The following CDH9 variants were observed in gnomAD, a reference collection of about 807,000 sequenced individuals.
The protein encoded by CDH9 is cadherin-9.
Under a neutral mutation model 70.9 loss-of-function variants are expected in CDH9, and 28 were observed. The observed-to-expected ratio is 0.40, with a 90% CI of 0.29 to 0.54. The LOEUF is 0.54. CDH9 is among the 20% of genes least tolerant of loss of function. The probability of loss-of-function intolerance (pLI) is 0.59; values close to 1 mark genes in which losing one functional copy is unlikely to be tolerated. For synonymous variants in CDH9, 409 were observed against 343.1 expected (o/e 1.19, Z -2.12); for missense variants, 874 against 984.4 (o/e 0.89, Z 1.50).
chr5:26,915,596 A>G, intron 3 of CDH9, 34 bp downstream of exon 3: 1 of 1,248,498 alleles, frequency 8.0e-7, no homozygotes, highest in Non-Finnish European at 1.2e-6. Flanking sequence ...ACAAACAAAT[A>G]AAAAGTAGTT....
At chr5:26,956,420 T>C (rs1460904241) in intron 2 of CDH9, among the ~76,000 whole-genome samples, 1 of 152,194 alleles carries the variant, frequency 6.6e-6, no homozygotes, top group Admixed American at 6.5e-5. Context: ...ATAGTACTGT[T>C]ATAAAAGACC....
At chr5:26,890,966 T>C (rs1740650070) in intron 7 of CDH9, 3 of 158,360 alleles carry the variant, frequency 1.9e-5, no homozygotes, top group African/African-American at 7.2e-5. Context: ...CATAACTGTG[T>C]CCAGAGTCCT....
At chr5:26,965,303 C>G (rs1314261272) in intron 2 of CDH9, among the ~76,000 whole-genome samples, 1 of 152,080 alleles carries the variant, frequency 6.6e-6, no homozygotes, top group Non-Finnish European at 1.5e-5. Context: ...TGGCTGGGCA[C>G]AGTAGCTTGC....
chr5:27,011,932 A>G (rs1561039927), intron 1 of CDH9, among the ~76,000 whole-genome samples: 1 of 151,982 alleles, frequency 6.6e-6, no homozygotes, highest in Non-Finnish European at 1.5e-5. Flanking sequence ...AACTCATGAC[A>G]TTGGTGCAAA....
chr5:26,926,917 GC>G lies in CDH9; in HGVS notation c.229-10994del, dbSNP rs55917148. Among the ~76,000 whole-genome samples the G allele has an allele frequency of 2.1e-4, 26 of 125,342 alleles. 2 individuals carry two copies. The highest frequency in any genetic ancestry group is 1.9e-3 in the Admixed American group (23 of 12,192). 82.2% of individuals were successfully genotyped at this position (125,342 alleles called of 152,430 possible). ...GATACCATAGTCAGGCAAAAATACA[GC>G]CCCCCCCCGCAAAAAAAAAAGAAAC... On this transcript the variant is annotated intron_variant, in intron 2 of 11. Transcript: ENST00000231021.
At chr5:26,922,532 T>C (rs1741263163) in intron 2 of CDH9, among the ~76,000 whole-genome samples, 1 of 151,904 alleles carries the variant, frequency 6.6e-6, no homozygotes, top group Non-Finnish European at 1.5e-5. Flanking sequence ...AAGATTTACA[T>C]AGACAAACAA....
At chr5:26,986,713 G>A (rs1561029767) in intron 2 of CDH9, among the ~76,000 whole-genome samples, 1 of 152,002 alleles carries the variant, frequency 6.6e-6, no homozygotes, top group African/African-American at 2.4e-5. Flanking sequence ...GAATCGTAAG[G>A]CAATTTCACA....
Position 26,996,676 on chromosome 5 carries a change from G to A in CDH9, c.-49-8294C>T, listed in dbSNP as rs140061731. On this transcript the variant is annotated intron_variant, in intron 1 of 11. Coordinates refer to ENST00000231021, the MANE Select transcript of CDH9 (RefSeq NM_016279.4). ...ACATTTATTATATAACCATATATGT[G>A]TACATGTATAAATATATACATATTT... 7.0e-3 allele frequency among the ~76,000 whole-genome samples: 1,060 copies of A among 151,410 alleles called. 12 individuals are homozygous for A. Among genetic ancestry groups the A allele is most frequent in the African/African-American group, 0.025 (1,016 of 41,314 alleles).
intron 2 of CDH9, among the ~76,000 whole-genome samples, chr5:26,923,085 A>C (rs1342988625): frequency 1.1e-3 from 147 of 138,278 alleles, no homozygotes; most frequent in African/African-American, 3.5e-3. Flanking sequence ...AAAAAAAAAA[A>C]ACACAAAAAA....
chr5:27,022,467 G>A (rs1743154189), intron 1 of CDH9, among the ~76,000 whole-genome samples: 1 of 152,006 alleles, frequency 6.6e-6, no homozygotes, highest in Non-Finnish European at 1.5e-5. Flanking sequence ...ATCAAACATA[G>A]CACAATGTTA....
chr5:26,910,639 A>G (rs1458997960), intron 3 of CDH9, among the ~76,000 whole-genome samples: 1 of 152,220 alleles, frequency 6.6e-6, no homozygotes, highest in African/African-American at 2.4e-5. Flanking sequence ...AACAAAGAAA[A>G]GAGGTGAATA....
chr5:26,978,766 A>G (rs1055385402), intron 2 of CDH9, among the ~76,000 whole-genome samples: 9 of 151,870 alleles, frequency 5.9e-5, no homozygotes, highest in African/African-American at 2.2e-4. Context: ...AACATATTAC[A>G]TATAGGGCAG....
At chr5:27,012,751 T>C (rs1742980391) in intron 1 of CDH9, among the ~76,000 whole-genome samples, 1 of 152,036 alleles carries the variant, frequency 6.6e-6, no homozygotes, top group Non-Finnish European at 1.5e-5. Context: ...TATTTTCGTG[T>C]AAAAACACAT....
chr5:26,888,604 C>A lies in CDH9; in HGVS notation c.1512+1232G>T, dbSNP rs376270069. 9.9e-5 allele frequency among the ~76,000 whole-genome samples: 15 copies of A among 152,258 alleles called. No homozygotes were observed. In the East Asian group the frequency reaches 1.4e-3, roughly 14 times the overall value. On this transcript the variant is annotated intron_variant, in intron 9 of 11. Transcript: ENST00000231021. The stretch of plus-strand genomic sequence containing the variant: ...ATTCCATGTTATTACAAATAAAAAT[C>A]TCATTTGCATTTTTGTATATGTAGG...
rs201744856 is a variant in CDH9 at position 26,906,777 on chromosome 5, G to T, written c.585C>A (p.Ala195=). The change falls in exon 4 of 12, where the codon GCC becomes GCA. Residue 195 remains alanine (A), a synonymous_variant. Transcript: ENST00000231021. ...CTTGCAATATGCTATAGACCACTTTGGCACTATTTCCATAGTTGGCGTCAT... is the reference window on the plus strand; with the variant it reads ...CTTGCAATATGCTATAGACCACTTTTGCACTATTTCCATAGTTGGCGTCAT... The part of the protein sequence containing the change: ...DADDANYGNS[A]KVVYSILQGQ... The T allele has an allele frequency of 6.2e-7, 1 of 1,612,946 alleles. No individual in the cohort carries two copies.
intron 2 of CDH9, among the ~76,000 whole-genome samples, chr5:26,971,857 G>A (rs1283756993): frequency 2.0e-5 from 3 of 151,958 alleles, no homozygotes; most frequent in Admixed American, 6.6e-5. Context: ...ACCACTGACC[G>A]GCAGGTGAGA....
intron 1 of CDH9, among the ~76,000 whole-genome samples, chr5:27,002,079 AAAAC>A (rs1339949559): frequency 2.0e-5 from 3 of 152,160 alleles, no homozygotes; most frequent in Non-Finnish European, 2.9e-5. Context: ...TTACAAGAAA[AAAAC>A]AAACAACCCC....
At position 26,897,755 on chromosome 5, in the gene CDH9, G is replaced by T. The variant is rs151273912; in HGVS notation, c.1253+4721C>A. On this transcript the variant is annotated intron_variant, in intron 7 of 11. Transcript: ENST00000231021. ...CTGGAAACATTCCCTTTGAAAACTG[G>T]CACAAGACAAGGATGTCCTCTCTCA... 3.7e-3 allele frequency among the ~76,000 whole-genome samples: 560 copies of T among 152,162 alleles called. 3 individuals carry two copies. The highest frequency in any genetic ancestry group is 0.014 in the Middle Eastern group (4 of 292).
At chr5:26,938,492 A>G (rs1031983905) in intron 2 of CDH9, among the ~76,000 whole-genome samples, 1 of 152,034 alleles carries the variant, frequency 6.6e-6, no homozygotes, top group Admixed American at 6.6e-5. Context: ...TAGTTAAGTA[A>G]ATTTTTAAAA....
Sources: gnomAD v4.1 joint callset for allele counts (sites outside exome capture counted in the v4.1 genomes callset) on GRCh38, gnomAD v4.1.1 for gene constraint, MANE v1.5 for transcripts, NCBI Gene and HGNC (gene_info 2026-07-23, HGNC 2026-07-21) for gene names.